The following FSTL4 variants were observed in gnomAD, a reference collection of about 807,000 sequenced individuals.
FSTL4 encodes the protein follistatin like 4, also known as follistatin-related protein 4.
A neutral mutation model predicts 78.2 loss-of-function variants in FSTL4; 28 were observed. The observed-to-expected ratio is 0.36, with a 90% CI of 0.27 to 0.49. The LOEUF (loss-of-function observed/expected upper bound fraction) is 0.49. Ranked by LOEUF, FSTL4 falls within the 20% of genes least tolerant of loss-of-function variation. The pLI is 0.98. For missense variants in FSTL4, 922 were observed against 1,084.9 expected (o/e 0.85, Z 2.11); for synonymous variants, 422 against 440.5 (o/e 0.96, Z 0.53).
chr5:133,663,196 T>C, the FSTL4 span, among the ~76,000 whole-genome samples: 1 of 152,172 alleles, frequency 6.6e-6, no homozygotes, highest in African/African-American at 2.4e-5. Context: ...TAAAGTATCA[T>C]AGAACTACAC....
At chr5:133,375,493 C>A (rs1561691578) in intron 4 of FSTL4, among the ~76,000 whole-genome samples, 1 of 151,456 alleles carries the variant, frequency 6.6e-6, no homozygotes, top group Non-Finnish European at 1.5e-5. Context: ...TTTAAAGACC[C>A]CTAATCAATA....
At chr5:133,613,199 C>T (rs967146014), upstream of FSTL4, among the ~76,000 whole-genome samples, 7 of 152,222 alleles carry the variant, frequency 4.6e-5, no homozygotes, top group Non-Finnish European at 8.8e-5. Context: ...CCCTCTTTAA[C>T]ATCAGCAGCT....
chr5:133,207,797 C>T (rs1226961545), intron 14 of FSTL4: 1 of 152,150 alleles, frequency 6.6e-6, no homozygotes, highest in Non-Finnish European at 1.5e-5. Flanking sequence ...ACAGGTGCGT[C>T]AGCACACCTG....
the FSTL4 span, among the ~76,000 whole-genome samples, chr5:133,783,256 A>C: frequency 6.6e-6 from 1 of 152,078 alleles, no homozygotes; most frequent in Non-Finnish European, 1.5e-5. Context: ...CTCTCACGTG[A>C]CTTCTAAATA....
chr5:133,375,312 A>ATATATAT (rs1554109201), intron 4 of FSTL4, among the ~76,000 whole-genome samples: 7 of 134,678 alleles, frequency 5.2e-5, no homozygotes, highest in East Asian at 2.1e-4. Flanking sequence ...ATATATATAT[A>ATATATAT]AAAGACTCTA....
rs147039615 is a variant in FSTL4 at position 133,197,455 on chromosome 5, C to G, written c.*1640G>C. The G allele has an allele frequency of 6.6e-6, 1 of 152,242 alleles. No homozygotes were observed. The highest frequency in any genetic ancestry group is 6.5e-5 in the Admixed American group (1 of 15,274). The allele number at this position is 152,242 out of a possible 1,614,324, so 9.4% of individuals were successfully genotyped here. A position where few individuals can be genotyped will look rare whatever the true frequency, so the allele number is the denominator to read the frequency against. ...ACCCCTAGGAGTTACAGGGGACAGG[C>G]GTTTGGTGGACCAAGTTGCGTGAGA... On this transcript the variant is annotated 3_prime_UTR_variant, in exon 16 of 16. Transcript: ENST00000265342.
At chr5:133,708,758 G>T in the FSTL4 span, among the ~76,000 whole-genome samples, 1 of 152,218 alleles carries the variant, frequency 6.6e-6, no homozygotes. Flanking sequence ...TGGCCCAAAT[G>T]TAGGCCAGCC....
chr5:133,198,329 C>T lies in FSTL4; in HGVS notation c.*766G>A, dbSNP rs3798104. 96,346 of 152,386 alleles carry T rather than the reference C, an allele frequency of 0.63. 30,915 individuals are homozygous for T. Among genetic ancestry groups the T allele is most frequent in the Admixed American group, 0.71 (10,799 of 15,268 alleles). 9.4% of individuals were successfully genotyped at this position (152,386 alleles called of 1,614,324 possible). A position where few individuals can be genotyped will look rare whatever the true frequency, so the allele number is the denominator to read the frequency against. ...CTTGGAGAAGCAGGGTGGCAATAGT[C>T]GACAGGGCCAGTATTCTCAGATGAC... On this transcript the variant is annotated 3_prime_UTR_variant, in exon 16 of 16. Transcript: ENST00000265342.
intron 6 of FSTL4, among the ~76,000 whole-genome samples, chr5:133,274,741 T>C (rs1752841915): frequency 6.6e-6 from 1 of 152,156 alleles, no homozygotes; most frequent in African/African-American, 2.4e-5. Context: ...ATTACACACA[T>C]GAGGTGGCCT....
At chr5:133,636,367 G>A in the FSTL4 span, among the ~76,000 whole-genome samples, 2 of 152,188 alleles carry the variant, frequency 1.3e-5, no homozygotes, top group Non-Finnish European at 2.9e-5. Context: ...AGGACTCAGC[G>A]ATCAGGAAGC....
At chr5:133,559,068 G>T (rs1287175851) in intron 3 of FSTL4, among the ~76,000 whole-genome samples, 2 of 152,218 alleles carry the variant, frequency 1.3e-5, no homozygotes, top group African/African-American at 4.8e-5. Context: ...AGCTTTAAAA[G>T]ATGAACTCAT....
intron 4 of FSTL4, among the ~76,000 whole-genome samples, chr5:133,322,616 C>T (rs115743216): frequency 0.036 from 5,509 of 152,266 alleles, 102 homozygotes; most frequent in Non-Finnish European, 0.043. Flanking sequence ...GTAGAACACA[C>T]CGCAGAATTG....
chr5:133,416,807 C>CA (rs1367596126), intron 3 of FSTL4, among the ~76,000 whole-genome samples: 5 of 152,196 alleles, frequency 3.3e-5, no homozygotes, highest in African/African-American at 1.2e-4. Context: ...AGGAATGACT[C>CA]AAGCACTGTT....
At position 133,361,518 on chromosome 5, in the gene FSTL4, C is replaced by T. The variant is rs1410180080; in HGVS notation, c.409+39220G>A. On this transcript the variant is annotated intron_variant, in intron 4 of 15. Transcript: ENST00000265342. This position sits in a 1 kb window ranked among gnomAD's most constrained non-coding sequence, Gnocchi z 4.3. ...GGCTCCCTGGAGCATCAGACCAGCA[C>T]ATCTTGGCCAAAACGCATAGGTATC... Among the ~76,000 whole-genome samples, 2 of 152,228 alleles carry T rather than the reference C, an allele frequency of 1.3e-5. No individual in the cohort carries two copies. The highest frequency in any genetic ancestry group is 4.8e-5 in the African/African-American group (2 of 41,448).
chr5:133,621,535 T>A, the FSTL4 span, among the ~76,000 whole-genome samples: 3 of 152,180 alleles, frequency 2.0e-5, no homozygotes, highest in Non-Finnish European at 4.4e-5. Flanking sequence ...CTCACTGATA[T>A]GTGGGAGCTA....
At chr5:133,536,604 A>T (rs1436114013) in intron 3 of FSTL4, among the ~76,000 whole-genome samples, 2 of 152,112 alleles carry the variant, frequency 1.3e-5, no homozygotes, top group Non-Finnish European at 2.9e-5. Flanking sequence ...TATAAAGTAT[A>T]TGTGGCATAT....
chr5:133,718,099 G>GTT, the FSTL4 span, among the ~76,000 whole-genome samples: 12 of 146,026 alleles, frequency 8.2e-5, no homozygotes, highest in South Asian at 2.2e-4. Flanking sequence ...TTGGTTTTTG[G>GTT]TTTTTTTTTT....
At chr5:133,209,327 A>G (rs1474398654) in intron 14 of FSTL4, among the ~76,000 whole-genome samples, 1 of 152,090 alleles carries the variant, frequency 6.6e-6, no homozygotes, top group African/African-American at 2.4e-5. Context: ...CCCTCTTGCC[A>G]GTCTTGGTTC....
chr5:133,570,133 C>T (rs903571420), intron 2 of FSTL4, among the ~76,000 whole-genome samples: 1 of 151,118 alleles, frequency 6.6e-6, no homozygotes, highest in South Asian at 2.1e-4. Flanking sequence ...GGACTGAACC[C>T]GGGAGGTGGA....
Sources: gnomAD v4.1 joint callset for allele counts (sites outside exome capture counted in the v4.1 genomes callset) on GRCh38, gnomAD v4.1.1 for gene constraint, Gnocchi (gnomAD v3.1) non-coding constraint, MANE v1.5 for transcripts, NCBI Gene and HGNC (gene_info 2026-07-23, HGNC 2026-07-21) for gene names.